The following TAMM41 variants were observed in gnomAD, a reference collection of about 807,000 sequenced individuals.
The protein encoded by TAMM41 is phosphatidate cytidylyltransferase, mitochondrial.
In TAMM41, 36 loss-of-function variants were observed where a neutral mutation model predicts 44.1. That is an observed-to-expected ratio of 0.82 (90% CI 0.63 to 1.08). The LOEUF is 1.08. Among genes scored for constraint, TAMM41 ranks in the 50% least tolerant of loss-of-function variants. The probability of loss-of-function intolerance (pLI) is 0.00; values close to 1 mark genes in which losing one functional copy is unlikely to be tolerated. For synonymous variants in TAMM41, 164 were observed against 153.1 expected (o/e 1.07, Z -0.53); for missense variants, 417 against 404.3 (o/e 1.03, Z -0.27).
the TAMM41 span, among the ~76,000 whole-genome samples, chr3:11,743,333 CTCTT>C: frequency 1.7e-5 from 2 of 119,580 alleles, no homozygotes; most frequent in Admixed American, 7.9e-5. Flanking sequence ...ACCTAATAAT[CTCTT>C]TTTTTTTTTT....
At chr3:11,786,327 T>C (rs956133193), downstream of TAMM41, among the ~76,000 whole-genome samples, 1 of 149,752 alleles carries the variant, frequency 6.7e-6, no homozygotes, top group African/African-American at 2.5e-5. Context: ...TTTTTTGAGA[T>C]GGAATCTTGC....
At chr3:11,784,195 A>G in the TAMM41 span, among the ~76,000 whole-genome samples, 15 of 152,134 alleles carry the variant, frequency 9.9e-5, no homozygotes, top group African/African-American at 3.4e-4. Flanking sequence ...ATCTACTGTG[A>G]TATCATAACC....
chr3:11,804,036 G>GA (rs2077830849), intron 7 of TAMM41, among the ~76,000 whole-genome samples: 1 of 152,030 alleles, frequency 6.6e-6, no homozygotes, highest in African/African-American at 2.4e-5. Flanking sequence ...CACCATGTAA[G>GA]AAAAATGCAC....
intron 5 of TAMM41, among the ~76,000 whole-genome samples, chr3:11,813,888 A>G (rs1025413336): frequency 6.7e-6 from 1 of 149,918 alleles, no homozygotes; most frequent in East Asian, 2.0e-4. Context: ...ATATGTATAT[A>G]TGTGTATATA....
At chr3:11,761,073 C>T in the TAMM41 span, among the ~76,000 whole-genome samples, 1 of 150,698 alleles carries the variant, frequency 6.6e-6, no homozygotes, top group African/African-American at 2.4e-5. Flanking sequence ...GAGGCTGAGG[C>T]AGGAGAATGG....
At chr3:11,746,593 A>G in the TAMM41 span, among the ~76,000 whole-genome samples, 259 of 132,606 alleles carry the variant, frequency 2.0e-3, no homozygotes, top group African/African-American at 7.8e-3. Context: ...ATGCTGGGGG[A>G]AAAAAAACAT....
At chr3:11,764,486 C>CTTTTTTT in the TAMM41 span, among the ~76,000 whole-genome samples, 170 of 68,142 alleles carry the variant, frequency 2.5e-3, 2 homozygotes, top group African/African-American at 3.1e-3. Context: ...TAATCTTATT[C>CTTTTTTT]TTTTTTTTTT....
intron 5 of TAMM41, among the ~76,000 whole-genome samples, chr3:11,815,968 G>A (rs1181776646): frequency 1.3e-5 from 2 of 152,128 alleles, no homozygotes; most frequent in Non-Finnish European, 2.9e-5. Context: ...TCATGTACAT[G>A]CATAAAACAA....
At chr3:11,791,299 G>C (rs2133063) in intron 7 of TAMM41, among the ~76,000 whole-genome samples, 90,980 of 152,100 alleles carry the variant, frequency 0.6, 28,802 homozygotes, top group African/African-American at 0.78. Flanking sequence ...CTCATTCGGA[G>C]AGCTGGCCCC....
chr3:11,825,110 G>C (rs373686217), intron 4 of TAMM41, among the ~76,000 whole-genome samples: 8 of 152,134 alleles, frequency 5.3e-5, no homozygotes, highest in Middle Eastern at 3.2e-3. Context: ...AGACTGCCTG[G>C]GTTCAAATGC....
the TAMM41 span, among the ~76,000 whole-genome samples, chr3:11,764,129 G>T: frequency 1.3e-5 from 2 of 151,796 alleles, no homozygotes; most frequent in Non-Finnish European, 2.9e-5. Flanking sequence ...TCAGCCTCCC[G>T]AGTAGCTTGG....
At chr3:11,775,877 A>AGT in the TAMM41 span, among the ~76,000 whole-genome samples, 1 of 152,050 alleles carries the variant, frequency 6.6e-6, no homozygotes, top group East Asian at 1.9e-4. Flanking sequence ...TTTTAAGAGA[A>AGT]GTGTGTGTGT....
chr3:11,814,173 C>G (rs1357180911), intron 5 of TAMM41, among the ~76,000 whole-genome samples: 1 of 151,770 alleles, frequency 6.6e-6, no homozygotes, highest in Non-Finnish European at 1.5e-5. Context: ...GTGAAATCCC[C>G]TCTCAAATTG....
chr3:11,773,119 G>A, the TAMM41 span, among the ~76,000 whole-genome samples: 1,855 of 152,058 alleles, frequency 0.012, 19 homozygotes, highest in Middle Eastern at 0.051. Context: ...ACCATGTCCA[G>A]CTAATTTTTA....
chr3:11,784,007 T>A, the TAMM41 span, among the ~76,000 whole-genome samples: 1 of 152,134 alleles, frequency 6.6e-6, no homozygotes, highest in Non-Finnish European at 1.5e-5. Flanking sequence ...AAATGTAAAA[T>A]GTGGAACCAT....
downstream of TAMM41, among the ~76,000 whole-genome samples, chr3:11,786,886 G>A (rs941953100): frequency 2.0e-5 from 3 of 152,164 alleles, no homozygotes; most frequent in South Asian, 2.1e-4. Context: ...GAGCCACCAC[G>A]CCTGGACAAC....
At chr3:11,735,697 A>G in the TAMM41 span, among the ~76,000 whole-genome samples, 2 of 152,168 alleles carry the variant, frequency 1.3e-5, no homozygotes, top group Non-Finnish European at 2.9e-5. Flanking sequence ...AATAATGGAG[A>G]AAGTGCCTGG....
intron 5 of TAMM41, among the ~76,000 whole-genome samples, chr3:11,816,560 T>C (rs2078284756): frequency 6.6e-6 from 1 of 152,100 alleles, no homozygotes; most frequent in Non-Finnish European, 1.5e-5. Context: ...GCTCAAGAGT[T>C]TGAGACCAGC....
chr3:11,821,546 CA>C (rs2078520188), intron 4 of TAMM41, among the ~76,000 whole-genome samples: 1 of 152,226 alleles, frequency 6.6e-6, no homozygotes, highest in African/African-American at 2.4e-5. Context: ...GCCCACCACT[CA>C]CCTCCCGCTG....
Sources: gnomAD v4.1 joint callset for allele counts (sites outside exome capture counted in the v4.1 genomes callset) on GRCh38, gnomAD v4.1.1 for gene constraint, MANE v1.5 for transcripts, NCBI Gene and HGNC (gene_info 2026-07-23, HGNC 2026-07-21) for gene names.